SOX30: variants seen among roughly 807,000 people sequenced by gnomAD.
SOX30 encodes transcription factor SOX-30.
In SOX30, 17 loss-of-function variants were observed where a neutral mutation model predicts 58.6. The observed-to-expected ratio is 0.29, with a 90% CI of 0.20 to 0.44. The LOEUF (loss-of-function observed/expected upper bound fraction) is 0.44. Among genes scored for constraint, SOX30 ranks in the 20% least tolerant of loss-of-function variants. The pLI is 1.00. For synonymous variants in SOX30, 421 were observed against 400.2 expected (o/e 1.05, Z -0.62); for missense variants, 951 against 965.8 (o/e 0.98, Z 0.20).
upstream of SOX30, among the ~76,000 whole-genome samples, chr5:157,653,189 C>T (rs1293405331): frequency 6.6e-6 from 1 of 152,226 alleles, no homozygotes; most frequent in Non-Finnish European, 1.5e-5. Context: ...ATTCCTCCTG[C>T]ACATTTTTCA....
At chr5:157,645,220 A>C (rs910477324) in intron 3 of SOX30, among the ~76,000 whole-genome samples, 13 of 152,172 alleles carry the variant, frequency 8.5e-5, no homozygotes, top group Admixed American at 7.2e-4. Flanking sequence ...AAAAACAACA[A>C]CAACAACAAC....
upstream of SOX30, among the ~76,000 whole-genome samples, chr5:157,656,434 G>A (rs562148041): frequency 4.6e-5 from 7 of 152,260 alleles, no homozygotes; most frequent in South Asian, 1.2e-3. Context: ...TTTCACTTTT[G>A]AAAATTGTTT....
chr5:157,634,587 C>T (rs1027631132), intron 4 of SOX30, among the ~76,000 whole-genome samples: 1 of 152,044 alleles, frequency 6.6e-6, no homozygotes, highest in Non-Finnish European at 1.5e-5. Flanking sequence ...ATAAGTATAT[C>T]TCAAATGTCC....
rs142500313 is a variant in SOX30 at position 157,660,453 on chromosome 5, G to A, written c.52+7345C>T. Among the ~76,000 whole-genome samples, 32 of 145,960 alleles carry A rather than the reference G, an allele frequency of 2.2e-4. 1 individual carries two copies. The highest frequency in any genetic ancestry group is 3.9e-4 in the East Asian group (2 of 5,126). On this transcript the variant is annotated intron_variant, in intron 2 of 5. Coordinates refer to the SOX30 transcript ENST00000519442. Reference sequence around the variant, plus strand: ...ATAAAATAAAATAAAATAAAATAAAGTAAAGTAAAATAAAATAAAATATAA... The same window carrying A: ...ATAAAATAAAATAAAATAAAATAAAATAAAGTAAAATAAAATAAAATATAA...
intron 3 of SOX30, among the ~76,000 whole-genome samples, chr5:157,642,792 A>C (rs1759101723): frequency 6.6e-6 from 1 of 152,206 alleles, no homozygotes; most frequent in East Asian, 1.9e-4. Flanking sequence ...GCCACACCTG[A>C]GAGACCTCAA....
intron 2 of SOX30, among the ~76,000 whole-genome samples, chr5:157,662,017 C>T (rs573413601): frequency 2.0e-4 from 30 of 152,160 alleles, no homozygotes; most frequent in East Asian, 5.8e-4. Flanking sequence ...TTTAATTAAA[C>T]GCTTTAATGT....
chr5:157,634,542 A>C (rs1758881196), intron 4 of SOX30, among the ~76,000 whole-genome samples: 1 of 152,032 alleles, frequency 6.6e-6, no homozygotes, highest in Admixed American at 6.5e-5. Context: ...GTGAATAATC[A>C]TAAATATATA....
rs956036556 is a variant in SOX30, at chr5:157,651,320, C to T, written c.759G>A (p.Pro253=). 1.2e-6 allele frequency: 2 copies of T among 1,614,056 alleles called. No individual in the cohort carries two copies. The highest frequency in any genetic ancestry group is 4.5e-5 in the East Asian group (2 of 44,882). ...AAGGGATCCTAAGGTCTTGCTGGTGCGGCCCAAAGGCACCGGACGTTGGGG... is the reference window on the plus strand; with the variant it reads ...AAGGGATCCTAAGGTCTTGCTGGTGTGGCCCAAAGGCACCGGACGTTGGGG... ...ILAPTSGAFG[P]HQQDLRIPLT... Residue 253 remains proline, a synonymous_variant, in exon 1 of 5, where the codon CCG becomes CCA. Transcript: ENST00000265007.
chr5:157,662,689 A>T (rs572679799), intron 2 of SOX30, among the ~76,000 whole-genome samples: 3 of 152,280 alleles, frequency 2.0e-5, no homozygotes, highest in African/African-American at 7.2e-5. Context: ...TCAGGCCATG[A>T]AAGGAAGTAG....
Position 157,626,107 on chromosome 5 carries a change from T to A in SOX30, c.*233A>T, listed in dbSNP as rs1418781420. On this transcript the variant is annotated 3_prime_UTR_variant, in exon 5 of 5. Transcript: ENST00000265007. ...ATAATAATACATGTTGATGCAAATT[T>A]CAGCCATTAAAATTAAACTACTTAA... The A allele has an allele frequency of 9.5e-6, 4 of 419,440 alleles. No homozygotes were observed. The highest frequency in any genetic ancestry group is 1.7e-5 in the Non-Finnish European group (4 of 238,702). 26.0% of individuals were successfully genotyped at this position (419,440 alleles called of 1,614,324 possible).
Position 157,652,080 on chromosome 5 carries a change from G to A in SOX30, c.-2C>T. The A allele has an allele frequency of 2.1e-6, 3 of 1,401,746 alleles. No individual in the cohort carries two copies. The highest frequency in any genetic ancestry group is 1.6e-5 in the South Asian group (1 of 63,074). The allele number at this position is 1,401,746 out of a possible 1,614,324, so 86.8% of individuals were successfully genotyped here. A position where few individuals can be genotyped will look rare whatever the true frequency, so the allele number is the denominator to read the frequency against. ...CGGCTCGGGTCTGGCTCTCTCCATG[G>A]GGGAGGGGGACGCCCCGGCCAGGAT... On this transcript the variant is annotated 5_prime_UTR_variant, in exon 1 of 5. Transcript: ENST00000265007.
upstream of SOX30, among the ~76,000 whole-genome samples, chr5:157,657,050 T>G (rs1759485883): frequency 6.6e-6 from 1 of 152,214 alleles, no homozygotes. Context: ...TGAATACATT[T>G]GTCTATAAGG....
intron 4 of SOX30, among the ~76,000 whole-genome samples, chr5:157,633,893 A>G (rs770367171): frequency 9.9e-5 from 15 of 152,248 alleles, no homozygotes; most frequent in Non-Finnish European, 1.6e-4. Flanking sequence ...TTTTTACCCA[A>G]TGGCCAACAG....
At chr5:157,648,426 G>C (rs538683892) in intron 2 of SOX30, among the ~76,000 whole-genome samples, 11 of 152,240 alleles carry the variant, frequency 7.2e-5, no homozygotes, top group Non-Finnish European at 1.5e-4. Context: ...CGTGTCCTCT[G>C]ATTTGTATGA....
At chr5:157,661,895 A>G (rs80263617) in intron 2 of SOX30, among the ~76,000 whole-genome samples, 1 of 132,110 alleles carries the variant, frequency 7.6e-6, no homozygotes, top group Non-Finnish European at 1.6e-5. Flanking sequence ...GTCCCCTTCT[A>G]TTCTTGAAAA....
intron 4 of SOX30, among the ~76,000 whole-genome samples, chr5:157,634,742 A>G (rs10075268): frequency 0.51 from 77,195 of 151,872 alleles, 22,876 homozygotes; most frequent in African/African-American, 0.84. Flanking sequence ...CTGCCTCCCA[A>G]GTTCAAGCGA....
intron 1 of SOX30, among the ~76,000 whole-genome samples, chr5:157,650,544 C>G (rs1264821289): frequency 6.6e-6 from 1 of 152,142 alleles, no homozygotes; most frequent in Non-Finnish European, 1.5e-5. Context: ...ATGGCTCATT[C>G]TACTGTATTC....
chr5:157,651,923 G>T lies in SOX30; in HGVS notation c.156C>A (p.Ala52=). ...TLSAAASATL[A]SSCGEAVASG... ...ACGCCACTGCCTCCCCGCACGACGA[G>T]GCCAAGGTCGCACTGGCTGCCGCGC... The change falls in exon 1 of 5, where the codon GCC becomes GCA. Residue 52 remains alanine (A), a synonymous_variant. Coordinates refer to ENST00000265007, the MANE Select transcript of SOX30 (RefSeq NM_178424.2). 6.6e-7 allele frequency: 1 copy of T among 1,506,946 alleles called. No individual in the cohort carries two copies. The allele number at this position is 1,506,946 out of a possible 1,614,324, so 93.3% of individuals were successfully genotyped here. A position where few individuals can be genotyped will look rare whatever the true frequency, so the allele number is the denominator to read the frequency against.
At chr5:157,631,542 C>T (rs1758807887) in intron 4 of SOX30, among the ~76,000 whole-genome samples, 1 of 151,964 alleles carries the variant, frequency 6.6e-6, no homozygotes, top group Non-Finnish European at 1.5e-5. Flanking sequence ...GTGTGGATCA[C>T]CTGAGGTCAG....
Sources: gnomAD v4.1 joint callset for allele counts (sites outside exome capture counted in the v4.1 genomes callset) on GRCh38, gnomAD v4.1.1 for gene constraint, MANE v1.5 for transcripts, NCBI Gene and HGNC (gene_info 2026-07-23, HGNC 2026-07-21) for gene names.